The following PIK3CB variants were observed in gnomAD, a reference collection of about 807,000 sequenced individuals.
PIK3CB encodes phosphatidylinositol-4,5-bisphosphate 3-kinase catalytic subunit beta.
PIK3CB carries 39 observed loss-of-function variants against 136.8 expected under a neutral mutation model. The ratio of observed to expected loss-of-function variants is 0.29; its 90% CI spans 0.22 to 0.37. PIK3CB has a LOEUF of 0.37. Among genes scored for constraint, PIK3CB ranks in the 10% least tolerant of loss-of-function variants. The pLI, the probability that PIK3CB is intolerant of heterozygous loss-of-function variation, is 1.00. For missense variants in PIK3CB, 868 were observed against 1,275.4 expected (o/e 0.68, Z 4.87); for synonymous variants, 428 against 436.6 (o/e 0.98, Z 0.25).
intron 8 of PIK3CB, among the ~76,000 whole-genome samples, chr3:138,732,597 A>C (rs1228751778): frequency 6.6e-6 from 1 of 152,006 alleles, no homozygotes; most frequent in African/African-American, 2.4e-5. Context: ...CTTTATTTAA[A>C]TGTATGGGAT....
chr3:138,683,839 T>C (rs747663991), intron 17 of PIK3CB, 52 bp from the exon 18 acceptor site: 2 of 937,576 alleles, frequency 2.1e-6, no homozygotes, highest in East Asian at 2.4e-5. Flanking sequence ...ATACAGAAGA[T>C]TATAATTTTA....
chr3:138,762,044 T>G (rs2045670083), intron 2 of PIK3CB, among the ~76,000 whole-genome samples: 1 of 151,580 alleles, frequency 6.6e-6, no homozygotes. Context: ...GTCAGGAGTT[T>G]GAGACAAGCC....
intron 9 of PIK3CB, among the ~76,000 whole-genome samples, 172 bp from the exon 10 acceptor site, chr3:138,712,476 A>G (rs1470929388): frequency 6.6e-6 from 1 of 152,204 alleles, no homozygotes; most frequent in Non-Finnish European, 1.5e-5. Context: ...TATCTTTATT[A>G]CGTTTAAGAA....
intron 1 of PIK3CB, among the ~76,000 whole-genome samples, chr3:138,820,407 T>C (rs1933510229): frequency 6.6e-6 from 1 of 152,204 alleles, no homozygotes; most frequent in African/African-American, 2.4e-5. Flanking sequence ...TCCCCACATA[T>C]TGTAACCACA....
In PIK3CB at chr3:138,821,750, A is replaced by G. The variant is rs183656503; in HGVS notation, c.-122+12945T>C. ...CAGTGAGCCGAGATGGCGTCACTGC[A>G]CTCCAGGTTGGGCAACAGAGTAAGA... On this transcript the variant is annotated intron_variant, in intron 1 of 23. Coordinates refer to ENST00000674063, the MANE Select transcript of PIK3CB (RefSeq NM_006219.3). 1.4e-4 allele frequency among the ~76,000 whole-genome samples: 21 copies of G among 152,250 alleles called. No individual in the cohort carries two copies. The East Asian group carries it at 3.7e-3, about 27-fold the overall frequency.
intron 2 of PIK3CB, among the ~76,000 whole-genome samples, chr3:138,776,674 C>A (rs557234256): frequency 6.6e-6 from 1 of 151,852 alleles, no homozygotes; most frequent in South Asian, 2.1e-4. Flanking sequence ...CCAGCCTGGG[C>A]GACAGAGTGA....
At chr3:138,731,221 T>C (rs2044965478) in intron 8 of PIK3CB, among the ~76,000 whole-genome samples, 1 of 152,138 alleles carries the variant, frequency 6.6e-6, no homozygotes, top group Admixed American at 6.5e-5. Context: ...ACCAGTACCT[T>C]TTTTCTTAAT....
chr3:138,758,523 ATT>A (rs2045613105), intron 3 of PIK3CB, among the ~76,000 whole-genome samples: 1 of 152,144 alleles, frequency 6.6e-6, no homozygotes, highest in South Asian at 2.1e-4. Flanking sequence ...TCAATTCTGT[ATT>A]TTCTTTTTAC....
rs554938989 is a variant in PIK3CB, at chr3:138,816,164, A to C, written c.-122+18531T>G. ...CAAAAAATACAAATATTAGCCAGGCATAGTGGCGCATGCCTGTGGTACCAG... is the reference window on the plus strand; with the variant it reads ...CAAAAAATACAAATATTAGCCAGGCCTAGTGGCGCATGCCTGTGGTACCAG... On this transcript the variant is annotated intron_variant, in intron 1 of 23. Transcript: ENST00000674063. Among the ~76,000 whole-genome samples, 8 of 152,208 alleles carry C rather than the reference A, an allele frequency of 5.3e-5. No homozygotes were observed. The East Asian group carries it at 1.5e-3, about 29-fold the overall frequency.
chr3:138,741,187 G>A (rs2045236321), intron 5 of PIK3CB, among the ~76,000 whole-genome samples: 1 of 152,102 alleles, frequency 6.6e-6, no homozygotes, highest in African/African-American at 2.4e-5. Flanking sequence ...TTTCACATCT[G>A]TCCTAACAAA....
At chr3:138,688,746 T>C (rs909683671) in intron 16 of PIK3CB, 129 bp downstream of exon 16, 10 of 573,836 alleles carry the variant, frequency 1.7e-5, no homozygotes, top group East Asian at 1.1e-4. Flanking sequence ...GTGGGAGAAA[T>C]GGCATTTGAT....
intron 4 of PIK3CB, among the ~76,000 whole-genome samples, chr3:138,743,392 T>C (rs1189569785): frequency 6.6e-6 from 1 of 152,218 alleles, no homozygotes; most frequent in Non-Finnish European, 1.5e-5. Flanking sequence ...TTTTATAGAC[T>C]GAATTTTCAG....
intron 19 of PIK3CB, among the ~76,000 whole-genome samples, chr3:138,669,522 G>T (rs2043489506): frequency 6.6e-6 from 1 of 151,218 alleles, no homozygotes; most frequent in African/African-American, 2.4e-5. Context: ...ACATGTATTT[G>T]TTGGGGTAGA....
intron 10 of PIK3CB, chr3:138,707,572 T>C (rs949896032): frequency 1.6e-5 from 19 of 1,165,624 alleles, no homozygotes; most frequent in African/African-American, 4.9e-5. Context: ...AAGACTTTAA[T>C]TGGAACTGCT....
chr3:138,705,186 C>CAAAAAAAA (rs1192112636), intron 11 of PIK3CB, among the ~76,000 whole-genome samples: 2 of 55,074 alleles, frequency 3.6e-5, no homozygotes, highest in African/African-American at 1.8e-4. Flanking sequence ...AAAAACAAAA[C>CAAAAAAAA]AAACAAAAAA....
chr3:138,684,733 G>A lies in PIK3CB; in HGVS notation c.2207C>T (p.Ala736Val), dbSNP rs2043848481. Reference protein sequence around the residue: ...IKLNAVKLNRAKGKEAMHTCL... With the variant: ...IKLNAVKLNRVKGKEAMHTCL... Reference sequence around the variant, plus strand: ...GGTATGCATGGCCTCCTTCCCTTTGGCTCTGTTTAACTTCACGGCATTCAG... The same window carrying A: ...GGTATGCATGGCCTCCTTCCCTTTGACTCTGTTTAACTTCACGGCATTCAG... The change falls in exon 17 of 24, where the codon GCC (alanine) becomes GTC (valine). Residue 736 changes from alanine (A) to valine (V), a missense_variant. Ala to Val is a moderately conservative substitution (Grantham distance 64). Around this residue, in one of 4 missense-constraint regions of PIK3CB, gnomAD observed 165 missense variants for 295.4 expected, o/e 0.56. Transcript: ENST00000674063. 1 of 1,613,632 alleles carries A rather than the reference G, an allele frequency of 6.2e-7. No individual in the cohort carries two copies. Among genetic ancestry groups the A allele is most frequent in the Non-Finnish European group, 8.5e-7 (1 of 1,179,624 alleles).
intron 3 of PIK3CB, among the ~76,000 whole-genome samples, chr3:138,756,630 T>C (rs1261334687): frequency 6.6e-6 from 1 of 152,124 alleles, no homozygotes; most frequent in African/African-American, 2.4e-5. Context: ...CAAAAAGGGA[T>C]TGCATATTTT....
At chr3:138,750,251 A>T (rs1201372780) in intron 4 of PIK3CB, among the ~76,000 whole-genome samples, 5 of 152,150 alleles carry the variant, frequency 3.3e-5, no homozygotes, top group Non-Finnish European at 7.3e-5. Flanking sequence ...TATCACCTCA[A>T]ATATTTATTA....
chr3:138,778,743 T>C lies in PIK3CB; in HGVS notation c.-17+17720A>G, dbSNP rs2045888619. The C allele has an allele frequency of 9.0e-5, 24 of 267,718 alleles. No individual in the cohort carries two copies. The South Asian group carries it at 1.1e-3, about 12-fold the overall frequency. 16.6% of individuals were successfully genotyped at this position (267,718 alleles called of 1,614,324 possible). A position where few individuals can be genotyped will look rare whatever the true frequency, so the allele number is the denominator to read the frequency against. On this transcript the variant is annotated intron_variant, in intron 2 of 23. Coordinates refer to ENST00000674063, the MANE Select transcript of PIK3CB (RefSeq NM_006219.3). The stretch of plus-strand genomic sequence containing the variant: ...CTCAATGACTACTTTGTCAAGCTCA[T>C]TTCCTGGTATGACAATGAATTTGGC...
Sources: gnomAD v4.1 joint callset for allele counts (sites outside exome capture counted in the v4.1 genomes callset) on GRCh38, gnomAD v4.1.1 for gene constraint, gnomAD v4.1.1 regional missense constraint, MANE v1.5 for transcripts, NCBI Gene and HGNC (gene_info 2026-07-23, HGNC 2026-07-21) for gene names.